Variants in APBA2 observed in about 807,000 individuals in gnomAD.
The protein encoded by APBA2 is amyloid-beta A4 precursor protein-binding family A member 2.
In APBA2, 30 loss-of-function variants were observed where a neutral mutation model predicts 75.0. The observed-to-expected ratio is 0.40, with a 90% CI of 0.30 to 0.54. The LOEUF (loss-of-function observed/expected upper bound fraction) is 0.54, where lower values mean the gene tolerates loss of function less well. Ranked by LOEUF, APBA2 falls within the 20% of genes least tolerant of loss-of-function variation. The pLI is 0.49. For synonymous variants in APBA2, 444 were observed against 409.6 expected, an observed-to-expected ratio of 1.08 and a Z score of -1.01; for missense variants, 801 against 1,016.1, an observed-to-expected ratio of 0.79 and a Z score of 2.88.
At position 29,106,598 on chromosome 15, in the gene APBA2, C is replaced by G. The variant is rs187542324; in HGVS notation, c.1705-9C>G. On this transcript the variant is annotated splice_polypyrimidine_tract_variant and intron_variant, in intron 11 of 14. Coordinates refer to ENST00000683413, the MANE Select transcript of APBA2 (RefSeq NM_001353788.2). ...GCCAGCCCCTCTCACACTGCTGATC[C>G]CTTTGCAGCTGCAGCTGGAGAAGCA... The G allele has an allele frequency of 1.2e-6, 2 of 1,613,118 alleles. No individual in the cohort carries two copies. The highest frequency in any genetic ancestry group is 8.5e-7 in the Non-Finnish European group (1 of 1,180,012).
intron 2 of APBA2, among the ~76,000 whole-genome samples, chr15:28,955,441 A>C (rs1246125639): frequency 2.6e-5 from 4 of 152,116 alleles, no homozygotes; most frequent in Admixed American, 6.5e-5. Flanking sequence ...CTGTCCTCTG[A>C]TTCCCATCCT....
At chr15:28,891,291 A>G (rs1477542278) in intron 1 of APBA2, among the ~76,000 whole-genome samples, 2 of 152,168 alleles carry the variant, frequency 1.3e-5, no homozygotes, top group African/African-American at 2.4e-5. Flanking sequence ...TTGCCTAAGA[A>G]CACTCTGCTG....
rs1184184898 is a variant in APBA2, at chr15:29,108,306, G to A, written c.1954G>A (p.Val652Ile). 2 of 1,614,016 alleles carry A rather than the reference G, an allele frequency of 1.2e-6. No individual in the cohort carries two copies. Among genetic ancestry groups the A allele is most frequent in the Non-Finnish European group, 1.7e-6 (2 of 1,180,034 alleles). ...KNQTQVKLNI[V>I]SCPPVTTVLI... The stretch of plus-strand genomic sequence containing the variant: ...CCAGACACAGGTGAAGCTCAACATT[G>A]TCAGCTGTCCCCCGGTCACCACGGT... The change falls in exon 13 of 15, where the codon GTC becomes ATC. Residue 652 changes from valine to isoleucine, a missense_variant. Val to Ile is a conservative substitution (Grantham distance 29). Transcript: ENST00000683413.
At chr15:28,915,440 C>T (rs1390574589) in intron 1 of APBA2, among the ~76,000 whole-genome samples, 5 of 148,360 alleles carry the variant, frequency 3.4e-5, no homozygotes, top group Admixed American at 1.3e-4. Flanking sequence ...CCATACACAC[C>T]GTATACATAC....
chr15:29,035,395 C>T (rs548004175), intron 3 of APBA2, among the ~76,000 whole-genome samples: 2 of 148,672 alleles, frequency 1.3e-5, no homozygotes, highest in Admixed American at 6.7e-5. Flanking sequence ...AAGCATGAAT[C>T]GACTACTATC....
chr15:29,097,562 G>A (rs2043910595), intron 8 of APBA2, among the ~76,000 whole-genome samples: 1 of 152,220 alleles, frequency 6.6e-6, no homozygotes, highest in African/African-American at 2.4e-5. Flanking sequence ...AAAATTGTAT[G>A]TATTTGTTAT....
At chr15:29,114,906 T>C (rs779910971) in intron 14 of APBA2, among the ~76,000 whole-genome samples, 1 of 139,518 alleles carries the variant, frequency 7.2e-6, no homozygotes, top group Middle Eastern at 3.5e-3. Flanking sequence ...TGTGTGAGCA[T>C]GGGGTGTCAA....
intron 3 of APBA2, among the ~76,000 whole-genome samples, chr15:29,049,447 G>A (rs1288360621): frequency 6.6e-6 from 1 of 152,180 alleles, no homozygotes; most frequent in African/African-American, 2.4e-5. Flanking sequence ...TGGAACTTCT[G>A]GAGCTAGGGA....
chr15:28,957,158 C>T (rs1466740399), intron 2 of APBA2, among the ~76,000 whole-genome samples: 4 of 151,978 alleles, frequency 2.6e-5, no homozygotes, highest in Admixed American at 6.6e-5. Flanking sequence ...CTGCAAGCTC[C>T]GCCTCCCGGG....
chr15:29,105,664 C>A, intron 11 of APBA2, 106 bp downstream of exon 11: 4 of 1,269,650 alleles, frequency 3.2e-6, no homozygotes, highest in Non-Finnish European at 4.5e-6. Context: ...CCCTTGCCTT[C>A]CTATCAGACT....
chr15:28,902,483 G>T (rs971280436), intron 1 of APBA2, among the ~76,000 whole-genome samples: 1 of 152,154 alleles, frequency 6.6e-6, no homozygotes, highest in African/African-American at 2.4e-5. Flanking sequence ...CTGAGGAGAC[G>T]CGACAGCTGA....
At chr15:29,100,531 G>T (rs2044066937) in intron 9 of APBA2, among the ~76,000 whole-genome samples, 1 of 152,204 alleles carries the variant, frequency 6.6e-6, no homozygotes, top group Non-Finnish European at 1.5e-5. Flanking sequence ...GCAAGATGCT[G>T]GCTGGAGATT....
At chr15:28,917,065 G>A (rs1300129701) in intron 1 of APBA2, among the ~76,000 whole-genome samples, 1 of 152,098 alleles carries the variant, frequency 6.6e-6, no homozygotes, top group Non-Finnish European at 1.5e-5. Context: ...ATAGAGAGAG[G>A]GGGACTCTCT....
At position 29,108,183 on chromosome 15, in the gene APBA2, C is replaced by T. The variant is rs528917229; in HGVS notation, c.1918-87C>T. 4.3e-5 allele frequency: 68 copies of T among 1,593,724 alleles called. No homozygotes were observed. The East Asian group carries it at 1.3e-3, about 30-fold the overall frequency. ...CATTGTGTGTTCTCACTGCCCCCGGCCTCCACCACCCTGCCAGCCTCGCTC... is the reference window on the plus strand; with the variant it reads ...CATTGTGTGTTCTCACTGCCCCCGGTCTCCACCACCCTGCCAGCCTCGCTC... On this transcript the variant is annotated intron_variant, in intron 12 of 14. Transcript: ENST00000683413.
chr15:29,054,331 C>G lies in APBA2; in HGVS notation c.447C>G (p.Pro149=). 1 of 1,614,030 alleles carries G rather than the reference C, an allele frequency of 6.2e-7. No homozygotes were observed. The highest frequency in any genetic ancestry group is 8.5e-7 in the Non-Finnish European group (1 of 1,180,002). ...EEWTDSAGPH[P]HGHEAEGSQD... Reference sequence around the variant, plus strand: ...GGACGGACTCGGCGGGCCCGCACCCCCACGGCCACGAGGCTGAAGGCAGCC... The same window carrying G: ...GGACGGACTCGGCGGGCCCGCACCCGCACGGCCACGAGGCTGAAGGCAGCC... Residue 149 remains proline (P), a synonymous_variant, in exon 4 of 15, where the codon CCC becomes CCG. Transcript: ENST00000683413. This position sits in a 1 kb window ranked among gnomAD's most constrained non-coding sequence, Gnocchi z 6.1.
intron 3 of APBA2, among the ~76,000 whole-genome samples, chr15:29,023,188 C>T (rs1032540933): frequency 2.0e-5 from 3 of 152,136 alleles, no homozygotes; most frequent in East Asian, 1.9e-4. Context: ...TGAGATGTCT[C>T]TTTGTGTTTG....
intron 1 of APBA2, among the ~76,000 whole-genome samples, chr15:28,914,785 G>A (rs2033588502): frequency 6.6e-6 from 1 of 151,944 alleles, no homozygotes; most frequent in South Asian, 2.1e-4. Flanking sequence ...TGGACTCTTC[G>A]TGCATTCAGG....
chr15:29,031,583 C>T (rs1365057590), intron 3 of APBA2, among the ~76,000 whole-genome samples: 12 of 152,202 alleles, frequency 7.9e-5, no homozygotes, highest in Non-Finnish European at 4.4e-5. Context: ...GATTCTCTGC[C>T]TTAGCCTCTG....
chr15:28,946,187 C>G (rs1260683597), intron 2 of APBA2, among the ~76,000 whole-genome samples: 1 of 152,212 alleles, frequency 6.6e-6, no homozygotes, highest in African/African-American at 2.4e-5. Context: ...TCAGAGATAT[C>G]CACACCCTAG....
Sources: gnomAD v4.1 joint callset for allele counts (sites outside exome capture counted in the v4.1 genomes callset) on GRCh38, gnomAD v4.1.1 for gene constraint, Gnocchi (gnomAD v3.1) non-coding constraint, MANE v1.5 for transcripts, NCBI Gene and HGNC (gene_info 2026-07-23, HGNC 2026-07-21) for gene names.